The following REC114 variants were observed in gnomAD, a reference collection of about 807,000 sequenced individuals.
REC114 encodes the protein REC114 meiotic recombination protein.
REC114 carries 27 observed loss-of-function variants against 31.3 expected under a neutral mutation model. The ratio of observed to expected loss-of-function variants is 0.86; its 90% CI spans 0.64 to 1.19. The LOEUF (loss-of-function observed/expected upper bound fraction) is 1.19, where lower values mean the gene tolerates loss of function less well. Ranked by LOEUF, REC114 falls within the 50% of genes most tolerant of loss-of-function variation. REC114 has a pLI of 0.00. For missense variants in REC114, 344 were observed against 326.9 expected (o/e 1.05, Z -0.40); for synonymous variants, 134 against 127.7 (o/e 1.05, Z -0.33).
At chr15:73,544,861 A>T (rs1446948045) in intron 3 of REC114, among the ~76,000 whole-genome samples, 1 of 152,168 alleles carries the variant, frequency 6.6e-6, no homozygotes, top group African/African-American at 2.4e-5. Context: ...GGTAATGGAA[A>T]ATTTCTTACC....
intron 2 of REC114, among the ~76,000 whole-genome samples, chr15:73,478,669 T>C (rs536574110): frequency 3.3e-5 from 5 of 152,244 alleles, no homozygotes; most frequent in Non-Finnish European, 5.9e-5. Flanking sequence ...TTGAGAAGAA[T>C]TGATTTCTTT....
chr15:73,508,961 G>C (rs1481883984), intron 2 of REC114, among the ~76,000 whole-genome samples: 2 of 150,414 alleles, frequency 1.3e-5, no homozygotes, highest in Non-Finnish European at 3.0e-5. Context: ...TATATACCCA[G>C]TAATGGGATG....
At chr15:73,454,815 G>A (rs1329471105) in intron 1 of REC114, among the ~76,000 whole-genome samples, 1 of 152,106 alleles carries the variant, frequency 6.6e-6, no homozygotes, top group Non-Finnish European at 1.5e-5. Flanking sequence ...ATCTGTGTTG[G>A]GTGCAGCTGA....
rs531021589 is a variant in REC114 at position 73,517,297 on chromosome 15, A to G, written c.250-23188A>G. On this transcript the variant is annotated intron_variant, in intron 2 of 5. Coordinates refer to ENST00000331090, the MANE Select transcript of REC114 (RefSeq NM_001042367.2). The stretch of plus-strand genomic sequence containing the variant: ...GTGACAGAGTCAGTTACGTTTTTAC[A>G]TAAAAAAGGTATCTCTCAAACAAAG... Among the ~76,000 whole-genome samples the G allele has an allele frequency of 1.6e-4, 24 of 152,336 alleles. 1 individual carries two copies. Among genetic ancestry groups the G allele is most frequent in the Admixed American group, 8.5e-4 (13 of 15,296 alleles).
chr15:73,545,383 T>C (rs1894295191), intron 3 of REC114, among the ~76,000 whole-genome samples: 1 of 152,216 alleles, frequency 6.6e-6, no homozygotes, highest in Admixed American at 6.5e-5. Context: ...ATAAATCTCA[T>C]CAAGACTTTC....
intron 3 of REC114, among the ~76,000 whole-genome samples, chr15:73,542,344 G>GAAAAAAAAAAAAAAAAA (rs11315254): frequency 7.1e-6 from 1 of 141,154 alleles, no homozygotes. Flanking sequence ...AAAAAAAAAA[G>GAAAAAAAAAAAAAAAAA]AAAAAAAAAA....
At chr15:73,546,538 A>G (rs1184425099) in intron 3 of REC114, among the ~76,000 whole-genome samples, 1 of 152,010 alleles carries the variant, frequency 6.6e-6, no homozygotes, top group Non-Finnish European at 1.5e-5. Context: ...ATTTTTATAT[A>G]TTTGATGTTA....
intron 2 of REC114, among the ~76,000 whole-genome samples, chr15:73,479,734 C>T (rs1056298497): frequency 1.3e-5 from 2 of 152,090 alleles, no homozygotes; most frequent in Admixed American, 1.3e-4. Context: ...CCAGGTTCAT[C>T]CATGTTGTTG....
At chr15:73,481,119 A>T (rs935096079) in intron 2 of REC114, among the ~76,000 whole-genome samples, 6 of 151,358 alleles carry the variant, frequency 4.0e-5, no homozygotes, top group Non-Finnish European at 5.9e-5. Context: ...CATCCATAAA[A>T]CCCCTCCAAA....
chr15:73,443,309 C>T lies in REC114; in HGVS notation c.124C>T (p.Leu42=), dbSNP rs1191661773. The change falls in exon 1 of 6, where the codon CTG becomes TTG. Residue 42 remains leucine (L), a synonymous_variant. Coordinates refer to ENST00000331090, the MANE Select transcript of REC114 (RefSeq NM_001042367.2). ...CACCAGAGACCCACCTGGGCCATGCCTGGAAGCTGGGACAGCCCCCTGCCC... is the reference window on the plus strand; with the variant it reads ...CACCAGAGACCCACCTGGGCCATGCTTGGAAGCTGGGACAGCCCCCTGCCC... The part of the protein sequence containing the change: ...SNTRDPPGPC[L]EAGTAPCPTW... 1.3e-6 allele frequency: 2 copies of T among 1,582,828 alleles called. No homozygotes were observed. The highest frequency in any genetic ancestry group is 1.7e-6 in the Non-Finnish European group (2 of 1,165,506).
intron 2 of REC114, among the ~76,000 whole-genome samples, chr15:73,510,994 A>T (rs930521412): frequency 1.2e-4 from 18 of 152,034 alleles, no homozygotes; most frequent in Non-Finnish European, 8.8e-5. Context: ...TTTTGTATTG[A>T]TTGGAATAGT....
At chr15:73,485,658 T>G (rs1179714455) in intron 2 of REC114, among the ~76,000 whole-genome samples, 1 of 152,208 alleles carries the variant, frequency 6.6e-6, no homozygotes, top group Non-Finnish European at 1.5e-5. Flanking sequence ...GATAAGCTCC[T>G]GCTTCACCTT....
intron 1 of REC114, among the ~76,000 whole-genome samples, chr15:73,448,546 G>A (rs1389502300): frequency 1.3e-5 from 2 of 152,208 alleles, no homozygotes; most frequent in African/African-American, 2.4e-5. Flanking sequence ...AGAGCACCTG[G>A]AGGAAGGGGT....
At chr15:73,517,844 G>A (rs1344259782) in intron 2 of REC114, among the ~76,000 whole-genome samples, 1 of 152,210 alleles carries the variant, frequency 6.6e-6, no homozygotes, top group African/African-American at 2.4e-5. Context: ...TGGATCTGGT[G>A]ACCATAGCCT....
At chr15:73,520,162 C>T (rs543243120) in intron 2 of REC114, among the ~76,000 whole-genome samples, 4 of 152,092 alleles carry the variant, frequency 2.6e-5, no homozygotes, top group Admixed American at 6.5e-5. Context: ...GACACATTGA[C>T]TGATTCAACA....
intron 1 of REC114, among the ~76,000 whole-genome samples, chr15:73,469,345 G>A (rs1183298886): frequency 6.6e-6 from 1 of 152,074 alleles, no homozygotes; most frequent in African/African-American, 2.4e-5. Flanking sequence ...TTTATTATTT[G>A]AAATGACCTT....
At chr15:73,516,790 G>A (rs1252745734) in intron 2 of REC114, among the ~76,000 whole-genome samples, 1 of 152,098 alleles carries the variant, frequency 6.6e-6, no homozygotes, top group African/African-American at 2.4e-5. Flanking sequence ...ACCATGCCAG[G>A]CCTATTTTTT....
intron 1 of REC114, among the ~76,000 whole-genome samples, chr15:73,445,439 T>G (rs1246896957): frequency 2.0e-5 from 3 of 152,248 alleles, no homozygotes; most frequent in Non-Finnish European, 4.4e-5. Context: ...TTCACTGGAA[T>G]AGCATTTTTA....
chr15:73,447,993 G>C (rs1307322491), intron 1 of REC114, among the ~76,000 whole-genome samples: 1 of 152,172 alleles, frequency 6.6e-6, no homozygotes, highest in East Asian at 1.9e-4. Context: ...CAATCAGCAG[G>C]CCAGGAGATT....
Sources: gnomAD v4.1 joint callset for allele counts (sites outside exome capture counted in the v4.1 genomes callset) on GRCh38, gnomAD v4.1.1 for gene constraint, MANE v1.5 for transcripts, NCBI Gene and HGNC (gene_info 2026-07-23, HGNC 2026-07-21) for gene names.